The following TACC2 variants were observed in gnomAD, a reference collection of about 807,000 sequenced individuals.
TACC2 encodes transforming acidic coiled-coil-containing protein 2.
Under a neutral mutation model 227.3 loss-of-function variants are expected in TACC2, and 137 were observed. That is an observed-to-expected ratio of 0.60 (90% CI 0.52 to 0.69). The LOEUF is 0.69. Among genes scored for constraint, TACC2 ranks in the 30% least tolerant of loss-of-function variants. TACC2 has a pLI of 0.00. For synonymous variants in TACC2, 1,523 were observed against 1,487.5 expected (o/e 1.02, Z -0.55); for missense variants, 3,470 against 3,694.4 (o/e 0.94, Z 1.57).
chr10:122,205,701 C>T lies in TACC2; in HGVS notation c.5972-4696C>T, dbSNP rs2095080374. The stretch of plus-strand genomic sequence containing the variant: ...CACCCCAGCCCTGCAGAAGGAAGTG[C>T]TGCTCTGCAGAGGAAGGGGCGGATG... On this transcript the variant is annotated intron_variant, in intron 8 of 22. Transcript: ENST00000369005. The surrounding 1 kb of genome is among the most constrained non-coding windows in gnomAD (Gnocchi z 4.5). Among the ~76,000 whole-genome samples, 1 of 152,180 alleles carries T rather than the reference C, an allele frequency of 6.6e-6. No individual in the cohort carries two copies. Among genetic ancestry groups the T allele is most frequent in the Non-Finnish European group, 1.5e-5 (1 of 68,038 alleles).
chr10:122,069,655 G>A (rs893162726), intron 3 of TACC2, among the ~76,000 whole-genome samples: 2 of 152,058 alleles, frequency 1.3e-5, no homozygotes, highest in Non-Finnish European at 2.9e-5. Context: ...CTCATATGAC[G>A]TTTTCCAACC....
chr10:122,094,689 G>T (rs2081192701), intron 5 of TACC2, among the ~76,000 whole-genome samples: 1 of 152,226 alleles, frequency 6.6e-6, no homozygotes, highest in Admixed American at 6.5e-5. Context: ...GGACAGGCAT[G>T]CCACCACCTT....
intron 8 of TACC2, among the ~76,000 whole-genome samples, chr10:122,196,797 G>A (rs935636386): frequency 4.0e-5 from 6 of 151,888 alleles, no homozygotes; most frequent in East Asian, 1.9e-4. Flanking sequence ...TTAGCTGGGC[G>A]TGGTGGCGGG....
chr10:122,117,063 A>G (rs1242042147), intron 5 of TACC2, among the ~76,000 whole-genome samples: 2 of 151,968 alleles, frequency 1.3e-5, no homozygotes, highest in Non-Finnish European at 2.9e-5. Flanking sequence ...AGTATTTCAT[A>G]TATATTCAAA....
At chr10:122,088,106 C>G (rs2080289288) in intron 4 of TACC2, 147 bp downstream of exon 4, 1 of 868,604 alleles carries the variant, frequency 1.2e-6, no homozygotes, top group East Asian at 3.0e-5. Flanking sequence ...CCTGCTTACC[C>G]CCTCTGGATG....
chr10:122,252,424 C>A (rs1212617660), intron 22 of TACC2, among the ~76,000 whole-genome samples: 1 of 151,580 alleles, frequency 6.6e-6, no homozygotes, highest in Non-Finnish European at 1.5e-5. Context: ...GTGGGCACTC[C>A]AATAAGATGG....
intron 1 of TACC2, among the ~76,000 whole-genome samples, chr10:122,012,408 G>A (rs1204423199): frequency 9.8e-5 from 7 of 71,184 alleles, no homozygotes; most frequent in South Asian, 1.4e-3. Context: ...GCCAGAGCAA[G>A]ACTCCGTCTC....
chr10:122,038,439 G>A (rs2073844495), intron 2 of TACC2, among the ~76,000 whole-genome samples: 1 of 152,190 alleles, frequency 6.6e-6, no homozygotes, highest in Non-Finnish European at 1.5e-5. Context: ...GGGGGACTTT[G>A]CATGCACAGC....
At chr10:122,155,416 C>A (rs1047171585) in intron 7 of TACC2, among the ~76,000 whole-genome samples, 1 of 152,228 alleles carries the variant, frequency 6.6e-6, no homozygotes. Context: ...AAAGCAAATG[C>A]GACATCAAAC....
intron 11 of TACC2, among the ~76,000 whole-genome samples, chr10:122,220,285 T>C (rs1196150493): frequency 6.6e-6 from 1 of 152,178 alleles, no homozygotes; most frequent in African/African-American, 2.4e-5. Context: ...TTGACAGTTG[T>C]TTTTTTCTGT....
At position 122,195,162 on chromosome 10, in the gene TACC2, C is replaced by G; in HGVS notation, c.5957C>G (p.Pro1986Arg). ...GAACCCGAGGTCAGCACACAGCCACCCCCGGAAGAACCAGGTAACCAAGGG... is the reference window on the plus strand; with the variant it reads ...GAACCCGAGGTCAGCACACAGCCACGCCCGGAAGAACCAGGTAACCAAGGG... The part of the protein sequence containing the change: ...IPEPEVSTQP[P>R]PEEPGCGSET... Residue 1986 changes from proline to arginine, a missense_variant, in exon 8 of 23, where the codon CCC becomes CGC. Transcript: ENST00000369005. 1 of 1,610,820 alleles carries G rather than the reference C, an allele frequency of 6.2e-7. No homozygotes were observed.
intron 2 of TACC2, among the ~76,000 whole-genome samples, chr10:122,037,996 A>G (rs1291448001): frequency 6.6e-6 from 1 of 152,168 alleles, no homozygotes; most frequent in African/African-American, 2.4e-5. Flanking sequence ...ACTGTAACCA[A>G]ACCAAAGCTT....
At chr10:122,120,799 C>T (rs569625064) in intron 5 of TACC2, among the ~76,000 whole-genome samples, 2 of 151,848 alleles carry the variant, frequency 1.3e-5, no homozygotes, top group South Asian at 4.2e-4. Flanking sequence ...CCTGCTCTGT[C>T]GTCCAGGCTG....
At chr10:122,163,669 A>ACGCCGGCCACCCTCGGGCGCG in intron 7 of TACC2, 1 of 1,040,842 alleles carries the variant, frequency 9.6e-7, no homozygotes, top group Non-Finnish European at 1.2e-6. Context: ...AGAGCCGCGC[A>ACGCCGGCCACCCTCGGGCGCG]CGCCGGCCAC....
intron 7 of TACC2, among the ~76,000 whole-genome samples, chr10:122,173,423 G>A (rs529206136): frequency 1.3e-5 from 2 of 152,342 alleles, no homozygotes; most frequent in Admixed American, 6.5e-5. Context: ...CTTGGCCCAC[G>A]AATGCCCCTT....
rs866933093 is a variant in TACC2 at position 122,075,519 on chromosome 10, G to A, written c.147-7128G>A. On this transcript the variant is annotated intron_variant, in intron 3 of 22. Transcript: ENST00000369005. ...CTCGGAGAAATCTCCTCCAATGGAC[G>A]TGACCATAAGGGGGCAAAGAATATG... Among the ~76,000 whole-genome samples, 14 of 152,328 alleles carry A rather than the reference G, an allele frequency of 9.2e-5. No homozygotes were observed. The South Asian group carries it at 2.1e-3, about 23-fold the overall frequency.
intron 3 of TACC2, among the ~76,000 whole-genome samples, chr10:122,077,820 T>C (rs1056288202): frequency 6.6e-5 from 10 of 152,170 alleles, no homozygotes; most frequent in African/African-American, 2.4e-4. Context: ...TGTCTTGAAC[T>C]TCTTCGGGAA....
In TACC2 at chr10:122,082,877, C is replaced by T. The variant is rs1359072315; in HGVS notation, c.377C>T (p.Ala126Val). The change falls in exon 4 of 23, where the codon GCA (alanine) becomes GTA (valine). Residue 126 changes from alanine to valine, a missense_variant. Coordinates refer to ENST00000369005, the MANE Select transcript of TACC2 (RefSeq NM_206862.4). ...CPPEGCLASP[A>V]AAPEDGPQTQ... ...CCGGAAGGTTGCTTGGCAAGTCCAG[C>T]AGCGGCACCTGAAGATGGTCCTCAG... 6.2e-7 allele frequency: 1 copy of T among 1,613,426 alleles called. No homozygotes were observed. Among genetic ancestry groups the T allele is most frequent in the South Asian group, 1.1e-5 (1 of 91,084 alleles).
At chr10:122,065,049 C>T (rs1238929739) in intron 3 of TACC2, among the ~76,000 whole-genome samples, 3 of 152,134 alleles carry the variant, frequency 2.0e-5, no homozygotes, top group African/African-American at 7.2e-5. Context: ...GTATGCTTTG[C>T]TCTCTGGCTT....
Sources: allele counts gnomAD v4.1 joint callset (sites outside exome capture counted in the v4.1 genomes callset), GRCh38; gene constraint gnomAD v4.1.1; non-coding constraint Gnocchi (gnomAD v3.1); transcripts MANE v1.5; gene names NCBI Gene and HGNC (gene_info 2026-07-23, HGNC 2026-07-21).